Variants in SP100 observed in about 807,000 individuals in gnomAD.
The protein encoded by SP100 is SP100 nuclear body protein.
Under a neutral mutation model 130.0 loss-of-function variants are expected in SP100, and 84 were observed. The observed-to-expected ratio is 0.65, with a 90% CI of 0.54 to 0.77. The LOEUF is 0.77. Among genes scored for constraint, SP100 ranks in the 30% least tolerant of loss-of-function variants. SP100 has a pLI of 0.00. For synonymous variants in SP100, 331 were observed against 351.7 expected (o/e 0.94, Z 0.66); for missense variants, 978 against 1,052.2 (o/e 0.93, Z 0.97).
In SP100 at chr2:230,470,396, A is replaced by G. The variant is rs557279950; in HGVS notation, c.1429+298A>G. The stretch of plus-strand genomic sequence containing the variant: ...TAAACCTGCTCTCATTCCTATTAAC[A>G]CTAAGATCTTAGATTTTTATAGTGA... On this transcript the variant is annotated intron_variant, in intron 15 of 28. Coordinates refer to ENST00000340126, the MANE Select transcript of SP100 (RefSeq NM_001080391.2). The G allele has an allele frequency of 2.3e-4, 234 of 1,036,380 alleles. 1 individual carries two copies. In the East Asian group the frequency reaches 4.9e-3, roughly 22 times the overall value. The allele number at this position is 1,036,380 out of a possible 1,614,324, so 64.2% of individuals were successfully genotyped here. A position where few individuals can be genotyped will look rare whatever the true frequency, so the allele number is the denominator to read the frequency against.
At chr2:230,462,322 T>G in intron 9 of SP100, 113 bp from the exon 10 acceptor site, 239 of 739,264 alleles carry the variant, frequency 3.2e-4, no homozygotes, top group Middle Eastern at 7.5e-4. Flanking sequence ...CCCAGGGTCT[T>G]GAGTTAACTT....
intron 24 of SP100, chr2:230,515,385 C>T (rs1298883422): frequency 2.5e-6 from 4 of 1,613,744 alleles, no homozygotes; most frequent in Non-Finnish European, 3.4e-6. Context: ...CTGGCCTGTC[C>T]ATTGATGATG....
At chr2:230,418,417 G>A (rs1457867302) in intron 2 of SP100, among the ~76,000 whole-genome samples, 1 of 152,064 alleles carries the variant, frequency 6.6e-6, no homozygotes, top group Non-Finnish European at 1.5e-5. Context: ...TGCCTGTGCT[G>A]TTAAGAACTT....
intron 17 of SP100, among the ~76,000 whole-genome samples, chr2:230,486,002 C>G (rs1168912428): frequency 1.3e-5 from 2 of 152,186 alleles, no homozygotes; most frequent in Non-Finnish European, 2.9e-5. Context: ...GGCTACCTAG[C>G]TGAGACTATC....
intron 1 of SP100, among the ~76,000 whole-genome samples, chr2:230,417,185 T>G (rs1320924672): frequency 2.0e-5 from 3 of 152,228 alleles, no homozygotes; most frequent in African/African-American, 7.2e-5. Flanking sequence ...TATTTTTCTA[T>G]GCATTTATAT....
Position 230,543,406 on chromosome 2 carries a change from AC to A in SP100, c.*465del, listed in dbSNP as rs1692242666. The A allele has an allele frequency of 6.6e-6, 1 of 152,392 alleles. No homozygotes were observed. Among genetic ancestry groups the A allele is most frequent in the African/African-American group, 2.4e-5 (1 of 41,548 alleles). 9.4% of individuals were successfully genotyped at this position (152,392 alleles called of 1,614,324 possible). ...ACAACATTGATTCTATATCTAGAAA[AC>A]CCCCTAGTCTCAGCCCAGAAGCTCC... On this transcript the variant is annotated 3_prime_UTR_variant, in exon 29 of 29. Coordinates refer to ENST00000340126, the MANE Select transcript of SP100 (RefSeq NM_001080391.2).
At chr2:230,499,187 G>T (rs2150056702) in intron 19 of SP100, among the ~76,000 whole-genome samples, 1 of 152,022 alleles carries the variant, frequency 6.6e-6, no homozygotes. Flanking sequence ...CTTCACACCT[G>T]TTTCTACTAA....
chr2:230,465,123 C>A (rs527707308), intron 11 of SP100, among the ~76,000 whole-genome samples: 14 of 152,266 alleles, frequency 9.2e-5, no homozygotes, highest in East Asian at 7.7e-4. Flanking sequence ...ATAGTCCCAG[C>A]CACTCGGGAG....
chr2:230,471,629 C>G (rs1039526010), intron 15 of SP100, among the ~76,000 whole-genome samples: 2 of 152,020 alleles, frequency 1.3e-5, no homozygotes, highest in Non-Finnish European at 2.9e-5. Context: ...AAAACATATG[C>G]ACACACACAT....
intron 24 of SP100, among the ~76,000 whole-genome samples, chr2:230,536,866 A>AAGTCT (rs1691965114): frequency 3.9e-5 from 6 of 152,178 alleles, no homozygotes; most frequent in African/African-American, 1.4e-4. Flanking sequence ...TTCCCTGTCT[A>AAGTCT]AACAAAGTCA....
In SP100 at chr2:230,416,240, C is replaced by A; in HGVS notation, c.-57C>A. 1 of 1,507,304 alleles carries A rather than the reference C, an allele frequency of 6.6e-7. No individual in the cohort carries two copies. The highest frequency in any genetic ancestry group is 9.2e-7 in the Non-Finnish European group (1 of 1,088,582). The allele number at this position is 1,507,304 out of a possible 1,614,324, so 93.4% of individuals were successfully genotyped here. ...CAGCCACACTGCACGCAGGCTGGGC[C>A]GACTGAGGGGCTCAGAGGCCAGGCT... On this transcript the variant is annotated 5_prime_UTR_variant, in exon 1 of 29. Coordinates refer to ENST00000340126, the MANE Select transcript of SP100 (RefSeq NM_001080391.2).
At position 230,523,034 on chromosome 2, in the gene SP100, C is replaced by T. The variant is rs140522803; in HGVS notation, c.2094+11868C>T. ...TTCATCATGTTGCCCAGGCTGGTCT[C>T]AAACTCCCGATCTCAAATGATCCAC... On this transcript the variant is annotated intron_variant, in intron 24 of 28. Coordinates refer to ENST00000340126, the MANE Select transcript of SP100 (RefSeq NM_001080391.2). Among the ~76,000 whole-genome samples the T allele has an allele frequency of 1.5e-3, 223 of 152,080 alleles. 1 individual carries two copies. Among genetic ancestry groups the T allele is most frequent in the African/African-American group, 5.1e-3 (211 of 41,538 alleles).
intron 10 of SP100, among the ~76,000 whole-genome samples, chr2:230,462,972 T>A (rs7568424): frequency 0.016 from 2,408 of 152,326 alleles, 59 homozygotes; most frequent in African/African-American, 0.054. Context: ...TATCTGGTGT[T>A]GGCAAAAACA....
intron 18 of SP100, among the ~76,000 whole-genome samples, chr2:230,495,907 T>A (rs2066644320): frequency 6.6e-6 from 1 of 152,204 alleles, no homozygotes; most frequent in Non-Finnish European, 1.5e-5. Flanking sequence ...CCATTACTTC[T>A]GATTATTTGT....
At chr2:230,485,035 T>C (rs559639906) in intron 17 of SP100, among the ~76,000 whole-genome samples, 2 of 152,166 alleles carry the variant, frequency 1.3e-5, no homozygotes, top group African/African-American at 2.4e-5. Context: ...GCTTAAGTGA[T>C]CTTCCTGCTT....
At chr2:230,534,648 C>T (rs1347289196) in intron 24 of SP100, among the ~76,000 whole-genome samples, 2 of 152,152 alleles carry the variant, frequency 1.3e-5, no homozygotes, top group African/African-American at 2.4e-5. Context: ...ATGCAGAAAG[C>T]GTTGTCACAT....
intron 17 of SP100, among the ~76,000 whole-genome samples, chr2:230,490,127 A>G (rs1047963932): frequency 2.0e-5 from 3 of 152,080 alleles, no homozygotes; most frequent in Non-Finnish European, 4.4e-5. Context: ...AAAATCTCCC[A>G]CAATTATTAT....
intron 2 of SP100, chr2:230,440,650 C>T: frequency 8.1e-7 from 1 of 1,227,372 alleles, no homozygotes; most frequent in Non-Finnish European, 1.0e-6. Context: ...CAATTCAAAT[C>T]CAAAAAAAAG....
At chr2:230,436,985 C>CAT (rs753412473) in intron 2 of SP100, among the ~76,000 whole-genome samples, 2 of 99,786 alleles carry the variant, frequency 2.0e-5, no homozygotes, top group African/African-American at 7.0e-5. Context: ...TATACACACA[C>CAT]ATATATATGT....
Sources: allele counts gnomAD v4.1 joint callset (sites outside exome capture counted in the v4.1 genomes callset), GRCh38; gene constraint gnomAD v4.1.1; transcripts MANE v1.5; gene names NCBI Gene and HGNC (gene_info 2026-07-23, HGNC 2026-07-21).